Variants in FHOD3 observed in about 807,000 individuals in gnomAD.
The protein encoded by FHOD3 is FH1/FH2 domain-containing protein 3.
In FHOD3, 90 loss-of-function variants were observed where a neutral mutation model predicts 173.0. The ratio of observed to expected loss-of-function variants is 0.52; its 90% confidence interval spans 0.44 to 0.62. FHOD3 has a LOEUF of 0.62. FHOD3 is among the 20% of genes least tolerant of loss of function. The probability of loss-of-function intolerance (pLI) is 0.00; values close to 1 mark genes in which losing one functional copy is unlikely to be tolerated. For missense variants in FHOD3, 1,945 were observed against 2,034.7 expected, an observed-to-expected ratio of 0.96 and a Z score of 0.85; for synonymous variants, 828 against 823.0, an observed-to-expected ratio of 1.01 and a Z score of -0.10.
chr18:36,503,333 C>A (rs1366638721), intron 4 of FHOD3, among the ~76,000 whole-genome samples: 1 of 152,148 alleles, frequency 6.6e-6, no homozygotes, highest in Non-Finnish European at 1.5e-5. Context: ...TTTCAGTTCC[C>A]ATCTCATCTA....
chr18:36,666,468 C>T (rs1017844205), intron 14 of FHOD3, among the ~76,000 whole-genome samples: 2 of 152,154 alleles, frequency 1.3e-5, no homozygotes, highest in African/African-American at 4.8e-5. Flanking sequence ...TACCTCTTGT[C>T]CTGTATCATT....
chr18:36,330,120 A>G (rs1321904468), intron 1 of FHOD3, among the ~76,000 whole-genome samples: 1 of 152,204 alleles, frequency 6.6e-6, no homozygotes, highest in African/African-American at 2.4e-5. Context: ...TGAATTACAC[A>G]CCTAGCTTGA....
intron 7 of FHOD3, among the ~76,000 whole-genome samples, chr18:36,597,013 A>G (rs1188838040): frequency 6.6e-6 from 1 of 152,112 alleles, no homozygotes; most frequent in African/African-American, 2.4e-5. Flanking sequence ...TTCATCTCCT[A>G]ACTCTGGCGG....
intron 3 of FHOD3, among the ~76,000 whole-genome samples, chr18:36,442,284 T>A (rs2051199551): frequency 6.6e-6 from 1 of 152,226 alleles, no homozygotes; most frequent in South Asian, 2.1e-4. Flanking sequence ...CAGTTGATTT[T>A]TTTTTCCTTT....
At chr18:36,558,973 C>T (rs1235696009) in intron 5 of FHOD3, among the ~76,000 whole-genome samples, 4 of 151,532 alleles carry the variant, frequency 2.6e-5, no homozygotes, top group Non-Finnish European at 5.9e-5. Flanking sequence ...CAGCCCTCAG[C>T]CCTGCCTCCT....
intron 3 of FHOD3, among the ~76,000 whole-genome samples, chr18:36,447,368 G>A (rs2051546545): frequency 6.6e-6 from 1 of 152,208 alleles, no homozygotes; most frequent in African/African-American, 2.4e-5. Context: ...ATGACTTTGT[G>A]CTTGATTTGG....
intron 3 of FHOD3, among the ~76,000 whole-genome samples, chr18:36,391,678 T>G (rs1406210714): frequency 6.6e-6 from 1 of 152,154 alleles, no homozygotes; most frequent in Non-Finnish European, 1.5e-5. Flanking sequence ...TCTTGTAATC[T>G]TCCTAGGCCT....
intron 6 of FHOD3, among the ~76,000 whole-genome samples, chr18:36,587,814 T>A (rs2059088360): frequency 1.3e-5 from 2 of 152,144 alleles, no homozygotes. Flanking sequence ...TGTAGCACTA[T>A]TTATTGTTAT....
At chr18:36,460,769 A>C (rs1031078459) in intron 3 of FHOD3, among the ~76,000 whole-genome samples, 3 of 152,224 alleles carry the variant, frequency 2.0e-5, no homozygotes, top group African/African-American at 2.4e-5. Context: ...CTAATAGGTC[A>C]AATTTGGACA....
At chr18:36,511,899 C>G (rs2055675237) in intron 4 of FHOD3, among the ~76,000 whole-genome samples, 1 of 152,200 alleles carries the variant, frequency 6.6e-6, no homozygotes, top group Admixed American at 6.5e-5. Context: ...CACCCTGCTT[C>G]CATGCTTGTC....
At chr18:36,604,900 G>A (rs1054920958) in intron 8 of FHOD3, among the ~76,000 whole-genome samples, 1 of 152,140 alleles carries the variant, frequency 6.6e-6, no homozygotes, top group Admixed American at 6.5e-5. Flanking sequence ...TATGAATTCA[G>A]TAGAAAAATG....
At chr18:36,448,420 C>A (rs2051624952) in intron 3 of FHOD3, among the ~76,000 whole-genome samples, 1 of 152,178 alleles carries the variant, frequency 6.6e-6, no homozygotes, top group African/African-American at 2.4e-5. Context: ...AACAATCAAG[C>A]CCTATTCTGC....
At position 36,652,619 on chromosome 18, in the gene FHOD3, C is replaced by T. The variant is rs955950441; in HGVS notation, c.1336C>T (p.Pro446Ser). The change falls in exon 12 of 29, where the codon CCC becomes TCC. Residue 446 changes from proline to serine, a missense_variant. Around this residue, in one of 5 missense-constraint regions of FHOD3, gnomAD observed 1,099 missense variants for 1,051.2 expected, o/e 1.05. Coordinates refer to ENST00000590592, the MANE Select transcript of FHOD3 (RefSeq NM_001281740.3). ...GQSPTGRDAA[P>S]KSSALPAVSN... ...GAGCCCCACTGGAAGGGATGCTGCT[C>T]CCAAGAGCTCTGCCCTCCCTGCTGT... 1.3e-6 allele frequency: 2 copies of T among 1,535,150 alleles called. No homozygotes were observed. Among genetic ancestry groups the T allele is most frequent in the South Asian group, 1.2e-5 (1 of 84,002 alleles).
chr18:36,717,454 C>T (rs1227506630), intron 18 of FHOD3, among the ~76,000 whole-genome samples: 1 of 152,134 alleles, frequency 6.6e-6, no homozygotes, highest in Admixed American at 6.5e-5. Context: ...CTAATACCTG[C>T]TGGGGCCAGG....
intron 3 of FHOD3, among the ~76,000 whole-genome samples, chr18:36,380,572 CTTTTCT>C (rs2047710972): frequency 2.5e-5 from 3 of 119,012 alleles, no homozygotes; most frequent in Non-Finnish European, 5.1e-5. Flanking sequence ...CTTTTCTTTT[CTTTTCT>C]TTTCCTTTCC....
intron 5 of FHOD3, among the ~76,000 whole-genome samples, chr18:36,556,154 AT>A (rs1388335632): frequency 6.6e-6 from 1 of 151,802 alleles, no homozygotes; most frequent in African/African-American, 2.4e-5. Context: ...ATTTTGTAGG[AT>A]TTTTAAATAG....
chr18:36,430,581 A>G (rs982133777), intron 3 of FHOD3, among the ~76,000 whole-genome samples: 1 of 152,268 alleles, frequency 6.6e-6, no homozygotes, highest in South Asian at 2.1e-4. Context: ...CTCTAGTAAA[A>G]TCTATACAAT....
chr18:36,512,408 T>C (rs573985603), intron 4 of FHOD3, 30 bp from the exon 5 acceptor site: 1 of 1,521,600 alleles, frequency 6.6e-7, no homozygotes, highest in African/African-American at 1.4e-5. Flanking sequence ...GGGACAGTAT[T>C]TGAAGTATTT....
chr18:36,725,970 T>G (rs914391124), intron 19 of FHOD3, among the ~76,000 whole-genome samples: 2 of 152,142 alleles, frequency 1.3e-5, no homozygotes, highest in Non-Finnish European at 2.9e-5. Flanking sequence ...AACTCTACAT[T>G]TTAAGAACAT....
Sources: allele counts gnomAD v4.1 joint callset (sites outside exome capture counted in the v4.1 genomes callset), GRCh38; gene constraint gnomAD v4.1.1; regional missense constraint gnomAD v4.1.1; transcripts MANE v1.5; gene names NCBI Gene and HGNC (gene_info 2026-07-23, HGNC 2026-07-21).